The following ZRANB3 variants were observed in gnomAD, a reference collection of about 807,000 sequenced individuals.
The protein encoded by ZRANB3 is DNA annealing helicase and endonuclease ZRANB3.
A neutral mutation model predicts 133.8 loss-of-function variants in ZRANB3; 125 were observed. That is an observed-to-expected ratio of 0.93 (90% CI 0.81 to 1.08). The LOEUF (loss-of-function observed/expected upper bound fraction) is 1.08, where lower values mean the gene tolerates loss of function less well. Among genes scored for constraint, ZRANB3 ranks in the 50% least tolerant of loss-of-function variants. ZRANB3 has a pLI of 0.00. For missense variants in ZRANB3, 1,229 were observed against 1,275.5 expected, an observed-to-expected ratio of 0.96 and a Z score of 0.56; for synonymous variants, 387 against 432.7, an observed-to-expected ratio of 0.89 and a Z score of 1.31.
chr2:135,395,190 A>G (rs1687431403), intron 2 of ZRANB3, among the ~76,000 whole-genome samples: 1 of 152,106 alleles, frequency 6.6e-6, no homozygotes, highest in African/African-American at 2.4e-5. Flanking sequence ...CGAGAAACAA[A>G]TCCATACATC....
At chr2:135,371,525 T>C (rs930218613) in intron 3 of ZRANB3, among the ~76,000 whole-genome samples, 2 of 152,192 alleles carry the variant, frequency 1.3e-5, no homozygotes, top group Non-Finnish European at 2.9e-5. Flanking sequence ...AATACCACAA[T>C]AACCCAGTTG....
chr2:135,343,076 A>C (rs1017242742), intron 6 of ZRANB3, among the ~76,000 whole-genome samples: 1 of 145,076 alleles, frequency 6.9e-6, no homozygotes, highest in Non-Finnish European at 1.5e-5. Flanking sequence ...AGTCCCAGCT[A>C]CTTGGAGGCT....
chr2:135,372,283 C>T (rs1054833367), intron 3 of ZRANB3, among the ~76,000 whole-genome samples: 4 of 152,092 alleles, frequency 2.6e-5, no homozygotes, highest in African/African-American at 9.7e-5. Context: ...ATACTGAATC[C>T]GTTGGCGCCT....
At chr2:135,448,578 C>T (rs963828070) in intron 2 of ZRANB3, among the ~76,000 whole-genome samples, 1 of 152,128 alleles carries the variant, frequency 6.6e-6, no homozygotes, top group Non-Finnish European at 1.5e-5. Context: ...TCCATAAACA[C>T]ATATGAGTGG....
At chr2:135,484,624 A>C (rs187442460) in intron 2 of ZRANB3, among the ~76,000 whole-genome samples, 257 of 151,466 alleles carry the variant, frequency 1.7e-3, no homozygotes, top group African/African-American at 5.9e-3. Context: ...GAAATCTAAA[A>C]ATCTCAAATG....
At chr2:135,207,320 T>C in intron 19 of ZRANB3, 114 bp downstream of exon 19, 1 of 1,317,254 alleles carries the variant, frequency 7.6e-7, no homozygotes, top group Non-Finnish European at 1.0e-6. Flanking sequence ...GGTCCATTAT[T>C]TTCTTTCCTT....
chr2:135,403,020 G>A (rs983931610), intron 2 of ZRANB3, among the ~76,000 whole-genome samples: 1 of 152,164 alleles, frequency 6.6e-6, no homozygotes, highest in Admixed American at 6.5e-5. Context: ...ACAGCTCCCA[G>A]TGTGGGCGAC....
intron 1 of ZRANB3, among the ~76,000 whole-genome samples, chr2:135,527,915 G>A (rs1334486217): frequency 2.0e-5 from 3 of 152,102 alleles, no homozygotes; most frequent in South Asian, 4.1e-4. Context: ...TAAGTATTAC[G>A]TACATGGCAA....
chr2:135,343,040 A>G (rs543956518), intron 6 of ZRANB3, among the ~76,000 whole-genome samples: 51 of 142,020 alleles, frequency 3.6e-4, no homozygotes, highest in Non-Finnish European at 6.9e-4. Context: ...AAAAAACATT[A>G]GCAGGGCATG....
intron 8 of ZRANB3, among the ~76,000 whole-genome samples, chr2:135,292,771 A>G (rs1413444999): frequency 6.6e-6 from 1 of 152,162 alleles, no homozygotes; most frequent in African/African-American, 2.4e-5. Flanking sequence ...TAATTTTTGT[A>G]TAAGGTGTAA....
rs550532398 is a variant in ZRANB3, at chr2:135,213,086, C to CTGGGGGAGTGCCCAAAGTCAATTGCATT, written c.2496-4109_2496-4108insAATGCAATTGACTTTGGGCACTCCCCCA. On this transcript the variant is annotated intron_variant, in intron 17 of 20. Coordinates refer to ENST00000264159, the MANE Select transcript of ZRANB3 (RefSeq NM_032143.4). Reference sequence around the variant, plus strand: ...TGGTTGGAGACCTTTATCAATGTTTCTGGGGGAGTGCCCAAAGTCAGTTAA... The same window carrying CTGGGGGAGTGCCCAAAGTCAATTGCATT: ...TGGTTGGAGACCTTTATCAATGTTTCTGGGGGAGTGCCCAAAGTCAATTGCATTTGGGGGAGTGCCCAAAGTCAGTTAA... 3.0e-3 allele frequency among the ~76,000 whole-genome samples: 450 copies of CTGGGGGAGTGCCCAAAGTCAATTGCATT among 152,298 alleles called. 3 individuals carry two copies. The highest frequency in any genetic ancestry group is 0.01 in the African/African-American group (419 of 41,564).
At chr2:135,347,394 A>C (rs1343538383) in intron 5 of ZRANB3, among the ~76,000 whole-genome samples, 1 of 150,112 alleles carries the variant, frequency 6.7e-6, no homozygotes, top group Non-Finnish European at 1.5e-5. Context: ...CTGGGTTCAC[A>C]CCATTCTCTT....
At chr2:135,246,614 T>A (rs1457550226) in intron 12 of ZRANB3, among the ~76,000 whole-genome samples, 2 of 152,128 alleles carry the variant, frequency 1.3e-5, no homozygotes, top group African/African-American at 4.8e-5. Context: ...TCACAAAGCT[T>A]ATGAGAAAAA....
chr2:135,247,659 G>A lies in ZRANB3; in HGVS notation c.1540-16732C>T, dbSNP rs575079390. Among the ~76,000 whole-genome samples, 4 of 152,266 alleles carry A rather than the reference G, an allele frequency of 2.6e-5. No individual in the cohort carries two copies. In the South Asian group the frequency reaches 8.3e-4, roughly 32 times the overall value. On this transcript the variant is annotated intron_variant, in intron 12 of 20. Coordinates refer to ENST00000264159, the MANE Select transcript of ZRANB3 (RefSeq NM_032143.4). ...AAAGAGGCTGAATGCAGGTGGATAA[G>A]CAGCAACAGCCTGCAGGCCCCATTT...
intron 12 of ZRANB3, among the ~76,000 whole-genome samples, chr2:135,258,315 G>C (rs961467321): frequency 6.6e-6 from 1 of 152,168 alleles, no homozygotes; most frequent in Non-Finnish European, 1.5e-5. Flanking sequence ...AGTAAAAAGG[G>C]CTCCCTGGAG....
chr2:135,471,080 G>A (rs1166777474), intron 2 of ZRANB3, among the ~76,000 whole-genome samples: 1 of 149,224 alleles, frequency 6.7e-6, no homozygotes, highest in Non-Finnish European at 1.5e-5. Context: ...GGATTACAGG[G>A]TTGAGCCACT....
chr2:135,374,642 G>A (rs182873526), intron 3 of ZRANB3, among the ~76,000 whole-genome samples: 2 of 151,636 alleles, frequency 1.3e-5, no homozygotes, highest in East Asian at 3.9e-4. Flanking sequence ...ACTGGGATTA[G>A]AGGCACCTCC....
intron 2 of ZRANB3, among the ~76,000 whole-genome samples, chr2:135,459,981 T>C (rs1170417767): frequency 6.6e-6 from 1 of 152,178 alleles, no homozygotes; most frequent in Non-Finnish European, 1.5e-5. Context: ...GGTACTTCAC[T>C]ATTATCAGTA....
intron 2 of ZRANB3, among the ~76,000 whole-genome samples, chr2:135,426,149 C>T (rs1445558368): frequency 6.6e-6 from 1 of 151,856 alleles, no homozygotes; most frequent in Non-Finnish European, 1.5e-5. Context: ...AAACTGGATC[C>T]CTGAAAAGAC....
Sources: gnomAD v4.1 joint callset for allele counts (sites outside exome capture counted in the v4.1 genomes callset) on GRCh38, gnomAD v4.1.1 for gene constraint, MANE v1.5 for transcripts, NCBI Gene and HGNC (gene_info 2026-07-23, HGNC 2026-07-21) for gene names.